Variants in RBM19 observed in about 807,000 individuals in gnomAD.
RBM19 encodes the protein probable RNA-binding protein 19.
In RBM19, 94 loss-of-function variants were observed where a neutral mutation model predicts 116.8. The observed-to-expected ratio is 0.80, with a 90% CI of 0.68 to 0.95. RBM19 has a LOEUF of 0.95. Ranked by LOEUF, RBM19 falls within the 40% of genes least tolerant of loss-of-function variation. The pLI is 0.00. For synonymous variants in RBM19, 475 were observed against 494.1 expected, an observed-to-expected ratio of 0.96 and a Z score of 0.51; for missense variants, 1,161 against 1,220.7, an observed-to-expected ratio of 0.95 and a Z score of 0.73.
At position 113,882,367 on chromosome 12, in the gene RBM19, G is replaced by A. The variant is rs115225997; in HGVS notation, c.2559-23471C>T. Reference sequence around the variant, plus strand: ...TCACTCACACCCTGTGTGAAGTGGAGGAATGGCCTAGCCACCTCCATGGGA... The same window carrying A: ...TCACTCACACCCTGTGTGAAGTGGAAGAATGGCCTAGCCACCTCCATGGGA... On this transcript the variant is annotated intron_variant, in intron 21 of 23. Coordinates refer to ENST00000261741, the MANE Select transcript of RBM19 (RefSeq NM_016196.4). Among the ~76,000 whole-genome samples, 1,275 of 152,320 alleles carry A rather than the reference G, an allele frequency of 8.4e-3. 13 individuals are homozygous for A. Among genetic ancestry groups the A allele is most frequent in the African/African-American group, 0.029 (1,218 of 41,572 alleles).
intron 19 of RBM19, 21 bp from the exon 20 acceptor site, chr12:113,918,468 G>A (rs370704985): frequency 1.2e-6 from 2 of 1,612,668 alleles, no homozygotes; most frequent in African/African-American, 1.3e-5. Flanking sequence ...AGACAACATG[G>A]CTCATCTCTC....
downstream of RBM19, among the ~76,000 whole-genome samples, chr12:113,820,607 C>T (rs1874350965): frequency 6.6e-6 from 1 of 152,132 alleles, no homozygotes; most frequent in South Asian, 2.1e-4. Context: ...GCCACACTGG[C>T]TGCACGAGGA....
intron 9 of RBM19, 112 bp downstream of exon 9, chr12:113,949,971 G>T: frequency 1.0e-6 from 1 of 986,044 alleles, no homozygotes; most frequent in Non-Finnish European, 1.6e-6. Flanking sequence ...TGTCTGCAGA[G>T]ACACTGCATT....
At chr12:113,861,161 T>A (rs1878332159) in intron 21 of RBM19, among the ~76,000 whole-genome samples, 1 of 152,182 alleles carries the variant, frequency 6.6e-6, no homozygotes, top group Non-Finnish European at 1.5e-5. Flanking sequence ...TGCTGCACAA[T>A]GACTCAACCC....
chr12:113,884,196 A>T lies in RBM19; in HGVS notation c.2559-25300T>A, dbSNP rs964452431. On this transcript the variant is annotated intron_variant, in intron 21 of 23. Transcript: ENST00000261741. ...CTACTCAGGAGGCTGAGGTGGGAGGATCGCTTGAGCTAGGAGTTTGTAGCT... is the reference window on the plus strand; with the variant it reads ...CTACTCAGGAGGCTGAGGTGGGAGGTTCGCTTGAGCTAGGAGTTTGTAGCT... Among the ~76,000 whole-genome samples, 9 of 150,808 alleles carry T rather than the reference A, an allele frequency of 6.0e-5. No homozygotes were observed. The South Asian group carries it at 1.9e-3, about 32-fold the overall frequency.
chr12:113,883,376 G>A (rs1365806569), intron 21 of RBM19, among the ~76,000 whole-genome samples: 1 of 152,224 alleles, frequency 6.6e-6, no homozygotes, highest in Non-Finnish European at 1.5e-5. Context: ...TGTGGGTCAG[G>A]GTGTCTGCTG....
At chr12:113,841,800 C>A (rs186902755) in intron 23 of RBM19, among the ~76,000 whole-genome samples, 1 of 152,098 alleles carries the variant, frequency 6.6e-6, no homozygotes. Flanking sequence ...GCTCTACAGC[C>A]GGTCTGGAGA....
chr12:113,823,184 T>TCCCCAGGG lies in RBM19; in HGVS notation c.*32_*39dup, dbSNP rs753144633. ...GCAGAAGCTGGAGCGGCTGTCCCGG[T>TCCCCAGGG]CCCCAGGGCCCCGGAGCCACACACC... On this transcript the variant is annotated 3_prime_UTR_variant, in exon 24 of 24. Transcript: ENST00000261741. The TCCCCAGGG allele has an allele frequency of 6.4e-7, 1 of 1,563,850 alleles. No homozygotes were observed. The highest frequency in any genetic ancestry group is 8.7e-7 in the Non-Finnish European group (1 of 1,148,180).
chr12:113,924,820 G>A lies in RBM19; in HGVS notation c.2245-63C>T, dbSNP rs1010958066. ...AACCACTATGCAGGCAAGGGCACCT[G>A]TCAAACACTATACCCCCAAATTTGC... On this transcript the variant is annotated intron_variant, in intron 17 of 23. Transcript: ENST00000261741. 2.2e-6 allele frequency: 3 copies of A among 1,382,440 alleles called. No individual in the cohort carries two copies. In the African/African-American group the frequency reaches 4.3e-5, roughly 20 times the overall value. 85.6% of individuals were successfully genotyped at this position (1,382,440 alleles called of 1,614,324 possible).
Position 113,955,201 on chromosome 12 carries a change from G to A in RBM19, c.851C>T (p.Pro284Leu), listed in dbSNP as rs767082901. ...PPEARAETEK[P>L]ANQKEPTTCH... ...GGTGGTGGGTTCCTTCTGGTTTGCT[G>A]GTTTCTCTGTCTGAGTGATCACAAA... The change falls in exon 7 of 24, where the codon CCA (proline) becomes CTA (leucine). Residue 284 changes from proline to leucine, a missense_variant. Physicochemically the swap from Pro to Leu is moderately conservative, Grantham distance 98. Coordinates refer to ENST00000261741, the MANE Select transcript of RBM19 (RefSeq NM_016196.4). The A allele has an allele frequency of 6.2e-7, 1 of 1,613,930 alleles. No individual in the cohort carries two copies. The highest frequency in any genetic ancestry group is 1.7e-5 in the Admixed American group (1 of 60,000).
intron 22 of RBM19, among the ~76,000 whole-genome samples, chr12:113,856,011 C>T (rs7294332): frequency 0.02 from 3,096 of 152,296 alleles, 42 homozygotes; most frequent in Non-Finnish European, 0.033. Context: ...TTGTGATGGG[C>T]TCCTCCTTCC....
chr12:113,915,344 G>T (rs1882711145), intron 20 of RBM19, among the ~76,000 whole-genome samples: 1 of 152,146 alleles, frequency 6.6e-6, no homozygotes, highest in Admixed American at 6.6e-5. Flanking sequence ...GGCCACCAGG[G>T]ACTTAAGGAG....
intron 16 of RBM19, among the ~76,000 whole-genome samples, chr12:113,936,496 T>A (rs1870078154): frequency 6.6e-6 from 1 of 152,244 alleles, no homozygotes; most frequent in Non-Finnish European, 1.5e-5. Context: ...AAGAAAGTAC[T>A]GTCCAGTCCC....
intron 21 of RBM19, among the ~76,000 whole-genome samples, chr12:113,897,687 C>T (rs953566357): frequency 6.6e-6 from 1 of 152,198 alleles, no homozygotes; most frequent in African/African-American, 2.4e-5. Context: ...ACTCTCAGGG[C>T]GGCCATGTTT....
At chr12:113,862,134 T>G (rs577480873) in intron 21 of RBM19, among the ~76,000 whole-genome samples, 1 of 152,330 alleles carries the variant, frequency 6.6e-6, no homozygotes, top group East Asian at 1.9e-4. Flanking sequence ...AATGCATGGA[T>G]GAGGCTTCAA....
chr12:113,852,858 T>C (rs1014559869), intron 22 of RBM19, among the ~76,000 whole-genome samples: 9 of 152,232 alleles, frequency 5.9e-5, no homozygotes, highest in African/African-American at 2.2e-4. Flanking sequence ...ACGTTCCTCC[T>C]CTGCACTCAG....
intron 14 of RBM19, among the ~76,000 whole-genome samples, 158 bp downstream of exon 14, chr12:113,942,166 A>G (rs1401951432): frequency 6.6e-6 from 1 of 152,170 alleles, no homozygotes; most frequent in Non-Finnish European, 1.5e-5. Context: ...CACTTGTCTC[A>G]GCCCATGTAA....
chr12:113,897,555 C>G (rs1014565110), intron 21 of RBM19, among the ~76,000 whole-genome samples: 1 of 152,032 alleles, frequency 6.6e-6, no homozygotes, highest in South Asian at 2.1e-4. Context: ...CTCGCACCTA[C>G]AATCCCGGCT....
chr12:113,857,977 A>T (rs533794419), intron 22 of RBM19, among the ~76,000 whole-genome samples: 10 of 152,378 alleles, frequency 6.6e-5, no homozygotes, highest in African/African-American at 2.4e-4. Flanking sequence ...AGGAATAGTG[A>T]GGCTGAGAGA....
Sources: gnomAD v4.1 joint callset for allele counts (sites outside exome capture counted in the v4.1 genomes callset) on GRCh38, gnomAD v4.1.1 for gene constraint, MANE v1.5 for transcripts, NCBI Gene and HGNC (gene_info 2026-07-23, HGNC 2026-07-21) for gene names.